The following KCNIP4 variants were observed in gnomAD, a reference collection of about 807,000 sequenced individuals.
KCNIP4 encodes the protein potassium voltage-gated channel interacting protein 4, also known as Kv channel-interacting protein 4.
KCNIP4 carries 12 observed loss-of-function variants against 34.0 expected under a neutral mutation model. That is an observed-to-expected ratio of 0.35 (90% CI 0.23 to 0.57). The LOEUF (loss-of-function observed/expected upper bound fraction) is 0.57. Among genes scored for constraint, KCNIP4 ranks in the 20% least tolerant of loss-of-function variants. The pLI is 0.83. For missense variants in KCNIP4, 238 were observed against 311.7 expected (o/e 0.76, Z 1.78); for synonymous variants, 124 against 102.2 (o/e 1.21, Z -1.29).
intron 1 of KCNIP4, among the ~76,000 whole-genome samples, chr4:21,098,280 T>A (rs1459047218): frequency 1.3e-5 from 2 of 152,168 alleles, no homozygotes; most frequent in Non-Finnish European, 2.9e-5. Context: ...CTAAGAAAAT[T>A]GATGGAGGGG....
chr4:21,353,150 C>G (rs1029676862), intron 1 of KCNIP4, among the ~76,000 whole-genome samples: 8 of 152,128 alleles, frequency 5.3e-5, no homozygotes, highest in African/African-American at 1.9e-4. Context: ...AGGTCACCAA[C>G]ATCAAGACCA....
At chr4:21,927,979 G>A (rs1729358784) in intron 1 of KCNIP4, among the ~76,000 whole-genome samples, 2 of 151,982 alleles carry the variant, frequency 1.3e-5, no homozygotes, top group African/African-American at 2.4e-5. Context: ...TAAATGTTAA[G>A]CCCTCTCCAA....
chr4:21,232,145 A>G (rs1368531747), intron 1 of KCNIP4, among the ~76,000 whole-genome samples: 1 of 152,104 alleles, frequency 6.6e-6, no homozygotes, highest in Non-Finnish European at 1.5e-5. Context: ...GTTGGAGACA[A>G]ATGTTTTTGT....
rs540918543 is a variant in KCNIP4 at position 21,346,960 on chromosome 4, C to T, written c.62-464251G>A. Among the ~76,000 whole-genome samples, 14 of 152,222 alleles carry T rather than the reference C, an allele frequency of 9.2e-5. No homozygotes were observed. The East Asian group carries it at 1.5e-3, about 17-fold the overall frequency. ...TTCATACTTCTAGACTTAAACCTAA[C>T]ATCATTTTAATTATTTTTAAATTTA... On this transcript the variant is annotated intron_variant, in intron 1 of 8. Coordinates refer to ENST00000382152, the MANE Select transcript of KCNIP4 (RefSeq NM_025221.6).
chr4:21,196,645 T>C (rs1360251878), intron 1 of KCNIP4, among the ~76,000 whole-genome samples: 2 of 152,234 alleles, frequency 1.3e-5, no homozygotes, highest in African/African-American at 4.8e-5. Context: ...ATCAATAAAT[T>C]CTTAACAATA....
chr4:21,532,068 C>A (rs1481780244), intron 1 of KCNIP4, among the ~76,000 whole-genome samples: 15 of 152,042 alleles, frequency 9.9e-5, no homozygotes, highest in Admixed American at 9.8e-4. Flanking sequence ...TTCAGAAAAT[C>A]ATTTCTGATG....
intron 1 of KCNIP4, among the ~76,000 whole-genome samples, chr4:21,810,486 C>T (rs1397539724): frequency 1.3e-5 from 2 of 151,910 alleles, no homozygotes; most frequent in African/African-American, 4.8e-5. Context: ...GTCAGGAGAT[C>T]GAGACCATCC....
intron 1 of KCNIP4, among the ~76,000 whole-genome samples, chr4:21,598,912 C>T (rs898368288): frequency 6.6e-6 from 1 of 152,156 alleles, no homozygotes; most frequent in Middle Eastern, 3.4e-3. Context: ...CATTATGACT[C>T]CTGGAAGACA....
chr4:21,938,340 G>A (rs757679200), intron 1 of KCNIP4, among the ~76,000 whole-genome samples: 31 of 151,986 alleles, frequency 2.0e-4, no homozygotes, highest in Non-Finnish European at 2.9e-4. Context: ...TCTTTTCCAT[G>A]GGATATTTTT....
chr4:21,529,953 C>G (rs1287485216), intron 1 of KCNIP4, among the ~76,000 whole-genome samples: 1 of 152,136 alleles, frequency 6.6e-6, no homozygotes, highest in African/African-American at 2.4e-5. Context: ...ACTCTGAAGA[C>G]TTTTCATTCT....
At chr4:21,683,979 G>C (rs569718429) in intron 1 of KCNIP4, among the ~76,000 whole-genome samples, 6 of 152,162 alleles carry the variant, frequency 3.9e-5, no homozygotes, top group African/African-American at 1.4e-4. Context: ...CTGCTTGAGG[G>C]AGGAGGGTGG....
intron 1 of KCNIP4, among the ~76,000 whole-genome samples, chr4:21,332,595 C>T (rs543718766): frequency 2.2e-4 from 34 of 152,116 alleles, no homozygotes; most frequent in African/African-American, 7.0e-4. Context: ...CTGACTTGGT[C>T]TTGATTCCAC....
intron 1 of KCNIP4, among the ~76,000 whole-genome samples, chr4:21,712,931 T>C (rs975157293): frequency 2.6e-5 from 4 of 152,174 alleles, no homozygotes; most frequent in African/African-American, 9.7e-5. Context: ...ACCATCTTCT[T>C]CCTCCCTGTG....
intron 1 of KCNIP4, among the ~76,000 whole-genome samples, chr4:21,842,591 T>A (rs890646693): frequency 1.3e-5 from 2 of 152,128 alleles, no homozygotes; most frequent in Non-Finnish European, 2.9e-5. Context: ...TGTACAAATA[T>A]TTTAACACTA....
At chr4:21,899,296 A>C (rs1727575578) in intron 1 of KCNIP4, among the ~76,000 whole-genome samples, 1 of 152,166 alleles carries the variant, frequency 6.6e-6, no homozygotes, top group African/African-American at 2.4e-5. Context: ...TAACACATAA[A>C]AGCCAAATAA....
intron 1 of KCNIP4, among the ~76,000 whole-genome samples, chr4:21,310,590 A>T (rs1465792637): frequency 6.6e-6 from 1 of 152,132 alleles, no homozygotes; most frequent in African/African-American, 2.4e-5. Context: ...GAAAACGAGC[A>T]GAAGGCAAAG....
intron 1 of KCNIP4, among the ~76,000 whole-genome samples, chr4:21,738,476 C>G (rs897986736): frequency 1.3e-5 from 2 of 152,060 alleles, no homozygotes; most frequent in Non-Finnish European, 2.9e-5. Flanking sequence ...AAAAAGAGTC[C>G]CTGAAACAAA....
intron 1 of KCNIP4, among the ~76,000 whole-genome samples, chr4:21,684,164 C>T (rs534615407): frequency 1.3e-5 from 2 of 152,172 alleles, no homozygotes; most frequent in African/African-American, 4.8e-5. Flanking sequence ...AAAATGCTTA[C>T]TTTAAAATAA....
intron 1 of KCNIP4, among the ~76,000 whole-genome samples, chr4:20,930,824 T>G (rs954149704): frequency 3.6e-5 from 5 of 137,846 alleles, no homozygotes; most frequent in African/African-American, 1.3e-4. Context: ...CTTCACCCAT[T>G]AGGATGGCTA....
Sources: allele counts gnomAD v4.1 joint callset (sites outside exome capture counted in the v4.1 genomes callset), GRCh38; gene constraint gnomAD v4.1.1; transcripts MANE v1.5; gene names NCBI Gene and HGNC (gene_info 2026-07-23, HGNC 2026-07-21).